CEP85L: variants seen among roughly 807,000 people sequenced by gnomAD.
CEP85L encodes the protein centrosomal protein 85L.
CEP85L carries 60 observed loss-of-function variants against 100.3 expected under a neutral mutation model. That is an observed-to-expected ratio of 0.60 (90% CI 0.49 to 0.74). The LOEUF (loss-of-function observed/expected upper bound fraction) is 0.74. CEP85L is among the 30% of genes least tolerant of loss of function. CEP85L has a pLI of 0.00. For missense variants in CEP85L, 973 were observed against 936.2 expected, an observed-to-expected ratio of 1.04 and a Z score of -0.51; for synonymous variants, 319 against 322.7, an observed-to-expected ratio of 0.99 and a Z score of 0.12.
intron 1 of CEP85L, among the ~76,000 whole-genome samples, chr6:118,671,026 C>T (rs1776291287): frequency 6.6e-6 from 1 of 151,448 alleles, no homozygotes; most frequent in Non-Finnish European, 1.5e-5. Context: ...ACTGTGTTGG[C>T]TGTAAGGATG....
At chr6:118,585,916 T>C (rs1046316201) in intron 2 of CEP85L, among the ~76,000 whole-genome samples, 2 of 152,202 alleles carry the variant, frequency 1.3e-5, no homozygotes, top group African/African-American at 4.8e-5. Flanking sequence ...TATGGGTAGA[T>C]ACCTTCACTA....
At chr6:118,493,918 A>C (rs1774751901) in intron 5 of CEP85L, among the ~76,000 whole-genome samples, 1 of 152,110 alleles carries the variant, frequency 6.6e-6, no homozygotes, top group Non-Finnish European at 1.5e-5. Flanking sequence ...GCTAATACAG[A>C]CTTCCAGTTT....
intron 1 of CEP85L, among the ~76,000 whole-genome samples, chr6:118,660,511 C>T (rs938340846): frequency 1.3e-5 from 2 of 152,166 alleles, no homozygotes; most frequent in African/African-American, 4.8e-5. Flanking sequence ...CTCCTACTTA[C>T]TTGAACACTA....
At chr6:118,601,927 T>C (rs1781808999) in intron 2 of CEP85L, among the ~76,000 whole-genome samples, 2 of 152,224 alleles carry the variant, frequency 1.3e-5, no homozygotes. Context: ...ACTGACCTCC[T>C]ATCTCATCCT....
intron 2 of CEP85L, among the ~76,000 whole-genome samples, chr6:118,613,620 G>T (rs11153762): frequency 0.029 from 4,396 of 151,882 alleles, 107 homozygotes; most frequent in African/African-American, 0.056. Context: ...AGCCCGGCGT[G>T]GTGGCACACA....
intron 1 of CEP85L, among the ~76,000 whole-genome samples, chr6:118,684,183 G>A (rs567586763): frequency 2.4e-4 from 37 of 152,210 alleles, no homozygotes; most frequent in African/African-American, 8.4e-4. Context: ...CCTTTCTGGC[G>A]AGATAACTCT....
At chr6:118,643,442 G>T (rs1774998771) in intron 1 of CEP85L, among the ~76,000 whole-genome samples, 1 of 152,100 alleles carries the variant, frequency 6.6e-6, no homozygotes, top group Non-Finnish European at 1.5e-5. Flanking sequence ...ATCTTTCAGA[G>T]AAATATATAA....
intron 1 of CEP85L, among the ~76,000 whole-genome samples, chr6:118,687,892 G>A (rs987112545): frequency 1.3e-5 from 2 of 152,140 alleles, no homozygotes; most frequent in East Asian, 1.9e-4. Context: ...GTTCCTGCAC[G>A]GCTGAGTGCG....
intron 2 of CEP85L, among the ~76,000 whole-genome samples, chr6:118,622,813 A>G (rs1197818749): frequency 5.3e-5 from 8 of 152,210 alleles, no homozygotes; most frequent in Non-Finnish European, 1.0e-4. Context: ...GGGTCATCAA[A>G]AAGATGAAGG....
intron 4 of CEP85L, among the ~76,000 whole-genome samples, chr6:118,519,252 G>A (rs1010992041): frequency 6.6e-6 from 1 of 151,900 alleles, no homozygotes; most frequent in Non-Finnish European, 1.5e-5. Flanking sequence ...TCAGAAGTTC[G>A]AGACCAGCCT....
upstream of CEP85L, chr6:118,651,832 A>C: frequency 1.0e-6 from 1 of 984,024 alleles, no homozygotes; most frequent in African/African-American, 1.7e-5. Flanking sequence ...AGTAGAGGGC[A>C]GCGACTTGGC....
intron 4 of CEP85L, among the ~76,000 whole-genome samples, chr6:118,516,017 G>A (rs1358859133): frequency 6.6e-6 from 1 of 152,130 alleles, no homozygotes; most frequent in Non-Finnish European, 1.5e-5. Context: ...TTCTGTTCCT[G>A]TGTTAGTTTG....
At chr6:118,594,499 A>G (rs920340073) in intron 2 of CEP85L, among the ~76,000 whole-genome samples, 2 of 152,186 alleles carry the variant, frequency 1.3e-5, no homozygotes, top group Non-Finnish European at 2.9e-5. Flanking sequence ...GAAAAAACTT[A>G]ACACTATCTG....
chr6:118,545,243 T>C (rs918725582), intron 3 of CEP85L, among the ~76,000 whole-genome samples: 11 of 152,188 alleles, frequency 7.2e-5, no homozygotes, highest in African/African-American at 2.7e-4. Context: ...AGACTGGAGT[T>C]TAAATGCTCA....
intron 2 of CEP85L, among the ~76,000 whole-genome samples, chr6:118,619,140 A>T: frequency 6.6e-6 from 1 of 151,848 alleles, no homozygotes; most frequent in Non-Finnish European, 1.5e-5. Flanking sequence ...GGGTGCGGGC[A>T]TACCTGTGTT....
At chr6:118,545,870 T>G (rs533378914) in intron 3 of CEP85L, among the ~76,000 whole-genome samples, 4 of 152,328 alleles carry the variant, frequency 2.6e-5, no homozygotes, top group African/African-American at 9.6e-5. Context: ...CTTCATGTCA[T>G]TAAACCATCA....
chr6:118,589,842 T>C (rs367594753), intron 2 of CEP85L, among the ~76,000 whole-genome samples: 19 of 152,342 alleles, frequency 1.2e-4, no homozygotes, highest in African/African-American at 4.6e-4. Flanking sequence ...TTTCTTACAG[T>C]GTGCCATCCT....
chr6:118,658,760 A>G (rs1466210999), intron 1 of CEP85L, among the ~76,000 whole-genome samples: 1 of 152,160 alleles, frequency 6.6e-6, no homozygotes. Flanking sequence ...AAATATTTTA[A>G]GTTGACATTT....
At chr6:118,652,589 C>A, upstream of CEP85L, 1 of 1,475,222 alleles carries the variant, frequency 6.8e-7, no homozygotes, top group South Asian at 1.3e-5. Context: ...TGGAATCTTG[C>A]TAACAAAGGC....
Sources: gnomAD v4.1 joint callset for allele counts (sites outside exome capture counted in the v4.1 genomes callset) on GRCh38, gnomAD v4.1.1 for gene constraint, MANE v1.5 for transcripts, NCBI Gene and HGNC (gene_info 2026-07-23, HGNC 2026-07-21) for gene names.